CLNK: variants seen among roughly 807,000 people sequenced by gnomAD.
CLNK encodes the protein cytokine dependent hematopoietic cell linker, also known as cytokine-dependent hematopoietic cell linker.
Under a neutral mutation model 68.6 loss-of-function variants are expected in CLNK, and 74 were observed. That is an observed-to-expected ratio of 1.08 (90% CI 0.89 to 1.31). The LOEUF (loss-of-function observed/expected upper bound fraction) is 1.31. Among genes scored for constraint, CLNK ranks in the 50% most tolerant of loss-of-function variants. The pLI is 0.00. For missense variants in CLNK, 553 were observed against 515.3 expected, an observed-to-expected ratio of 1.07 and a Z score of -0.71; for synonymous variants, 198 against 172.2, an observed-to-expected ratio of 1.15 and a Z score of -1.17.
intron 1 of CLNK, among the ~76,000 whole-genome samples, chr4:10,672,737 G>A (rs1724700053): frequency 6.6e-6 from 1 of 152,188 alleles, no homozygotes; most frequent in African/African-American, 2.4e-5. Context: ...TATGGACATT[G>A]TCTAAATGTC....
intron 1 of CLNK, among the ~76,000 whole-genome samples, chr4:10,679,429 G>T (rs1217969358): frequency 3.3e-5 from 5 of 152,152 alleles, no homozygotes; most frequent in Admixed American, 6.5e-5. Context: ...GAAAACCTAG[G>T]CAATACCATT....
chr4:10,594,560 T>C (rs926297844), intron 3 of CLNK, among the ~76,000 whole-genome samples: 22 of 152,316 alleles, frequency 1.4e-4, no homozygotes, highest in Admixed American at 1.1e-3. Flanking sequence ...ATGCTGAAGC[T>C]GCTGGTCCCA....
chr4:10,510,156 A>ATGGCTGGTGAGTG (rs1275639662), intron 16 of CLNK, among the ~76,000 whole-genome samples: 1 of 152,090 alleles, frequency 6.6e-6, no homozygotes, highest in African/African-American at 2.4e-5. Flanking sequence ...ATCATGAGGG[A>ATGGCTGGTGAGTG]TGGCTGGTGA....
chr4:10,582,278 T>C (rs1720811229), intron 4 of CLNK, among the ~76,000 whole-genome samples: 1 of 152,244 alleles, frequency 6.6e-6, no homozygotes, highest in South Asian at 2.1e-4. Context: ...CATTGGATGC[T>C]CACATATTCT....
intron 8 of CLNK, among the ~76,000 whole-genome samples, chr4:10,550,222 G>C (rs536009893): frequency 6.6e-6 from 1 of 152,102 alleles, no homozygotes; most frequent in Admixed American, 6.6e-5. Context: ...GGCCAGGCGC[G>C]GTGGCTCAAG....
intron 2 of CLNK, among the ~76,000 whole-genome samples, chr4:10,599,632 T>G (rs1721515163): frequency 6.6e-6 from 1 of 152,202 alleles, no homozygotes; most frequent in South Asian, 2.1e-4. Context: ...CAGGCCTTTT[T>G]CCTAGCGAGA....
intron 3 of CLNK, among the ~76,000 whole-genome samples, chr4:10,585,321 C>T (rs1720928635): frequency 6.6e-6 from 1 of 152,198 alleles, no homozygotes; most frequent in Non-Finnish European, 1.5e-5. Flanking sequence ...ATTTTAAGTT[C>T]TGCCTAAAGG....
At chr4:10,528,626 T>C (rs534995187) in intron 12 of CLNK, among the ~76,000 whole-genome samples, 1 of 152,356 alleles carries the variant, frequency 6.6e-6, no homozygotes, top group African/African-American at 2.4e-5. Context: ...AATAAGATTA[T>C]ACTGTAAGTA....
the CLNK span, among the ~76,000 whole-genome samples, chr4:10,733,439 C>T: frequency 1.3e-5 from 2 of 152,138 alleles, no homozygotes; most frequent in Non-Finnish European, 2.9e-5. Context: ...ATGTATTAAC[C>T]ATGTTATACT....
chr4:10,597,647 C>G (rs895733690), intron 3 of CLNK, among the ~76,000 whole-genome samples: 7 of 152,208 alleles, frequency 4.6e-5, no homozygotes, highest in African/African-American at 1.7e-4. Flanking sequence ...CATGATCCAT[C>G]ATTCAAATCA....
chr4:10,691,485 C>T, the CLNK span, among the ~76,000 whole-genome samples: 1 of 152,036 alleles, frequency 6.6e-6, no homozygotes, highest in African/African-American at 2.4e-5. Context: ...AATCTTTTTC[C>T]AGCTCAGCAT....
chr4:10,713,590 A>G, the CLNK span, among the ~76,000 whole-genome samples: 1 of 152,160 alleles, frequency 6.6e-6, no homozygotes, highest in Non-Finnish European at 1.5e-5. Flanking sequence ...TGTCCCCCCA[A>G]AATCTCATGT....
the CLNK span, among the ~76,000 whole-genome samples, chr4:10,713,153 A>G: frequency 2.0e-5 from 3 of 152,200 alleles, no homozygotes; most frequent in African/African-American, 7.2e-5. Context: ...TCTGGGCAGT[A>G]GGAAAGAAGA....
chr4:10,540,103 G>A (rs1176598208), intron 11 of CLNK, among the ~76,000 whole-genome samples: 4 of 152,182 alleles, frequency 2.6e-5, no homozygotes, highest in African/African-American at 9.7e-5. Flanking sequence ...GAGGCCTGGT[G>A]GGAGATGATT....
intron 14 of CLNK, among the ~76,000 whole-genome samples, chr4:10,525,080 T>C (rs183774850): frequency 5.3e-5 from 8 of 152,294 alleles, no homozygotes; most frequent in African/African-American, 1.7e-4. Flanking sequence ...TTGGCTTCTT[T>C]TCTTTATAGA....
intron 8 of CLNK, among the ~76,000 whole-genome samples, chr4:10,548,232 T>C (rs1425561410): frequency 6.6e-6 from 1 of 152,152 alleles, no homozygotes; most frequent in Non-Finnish European, 1.5e-5. Flanking sequence ...TGGCTCTGAG[T>C]TGCATTTCCT....
chr4:10,634,921 C>T (rs1002810974), intron 2 of CLNK, among the ~76,000 whole-genome samples: 1 of 152,162 alleles, frequency 6.6e-6, no homozygotes, highest in Non-Finnish European at 1.5e-5. Flanking sequence ...GGCCTCTCCC[C>T]CTTGCATGGC....
chr4:10,644,851 T>C (rs1181633339), intron 2 of CLNK, among the ~76,000 whole-genome samples: 1 of 152,212 alleles, frequency 6.6e-6, no homozygotes, highest in Non-Finnish European at 1.5e-5. Context: ...ACCAGAGATA[T>C]TTATAAGAGG....
chr4:10,603,586 C>T (rs1215373668), intron 2 of CLNK, among the ~76,000 whole-genome samples: 3 of 152,192 alleles, frequency 2.0e-5, no homozygotes, highest in Non-Finnish European at 2.9e-5. Flanking sequence ...GCTCCTGGCA[C>T]CAACCCCTGT....
Sources: allele counts gnomAD v4.1 joint callset (sites outside exome capture counted in the v4.1 genomes callset), GRCh38; gene constraint gnomAD v4.1.1; transcripts MANE v1.5; gene names NCBI Gene and HGNC (gene_info 2026-07-23, HGNC 2026-07-21).